Variants in CD300LG observed in about 807,000 individuals in gnomAD.
The protein encoded by CD300LG is CMRF35-like molecule 9.
A neutral mutation model predicts 31.5 loss-of-function variants in CD300LG; 29 were observed. The ratio of observed to expected loss-of-function variants is 0.92; its 90% CI spans 0.68 to 1.25. CD300LG has a LOEUF of 1.25. CD300LG is among the 50% of genes most tolerant of loss of function. The pLI is 0.00. For synonymous variants in CD300LG, 175 were observed against 177.2 expected (o/e 0.99, Z 0.10); for missense variants, 396 against 417.6 (o/e 0.95, Z 0.45).
At chr17:43,854,434 T>C (rs1026025574) in intron 4 of CD300LG, among the ~76,000 whole-genome samples, 1 of 152,080 alleles carries the variant, frequency 6.6e-6, no homozygotes. Context: ...GCCTGAAGGA[T>C]TGGTTCTTGG....
intron 2 of CD300LG, among the ~76,000 whole-genome samples, chr17:43,852,345 G>T (rs867372347): frequency 6.6e-6 from 1 of 152,024 alleles, no homozygotes; most frequent in Non-Finnish European, 1.5e-5. Context: ...CTCCCAAGTA[G>T]CTGGGATTAC....
chr17:43,847,396 G>A, intron 1 of CD300LG, 137 bp downstream of exon 1: 1 of 845,384 alleles, frequency 1.2e-6, no homozygotes, highest in Non-Finnish European at 1.7e-6. Flanking sequence ...GGGCGGGCTG[G>A]GGGTGGGGGG....
Position 43,862,123 on chromosome 17 carries a change from C to T in CD300LG, c.*212C>T, listed in dbSNP as rs1260444768. ...GCCCAGAGCGGTGGCCTTGCTCTTC[C>T]GGCTGGAGACTGGGACATCCCTGAT... On this transcript the variant is annotated 3_prime_UTR_variant, in exon 7 of 7. Coordinates refer to ENST00000317310, the MANE Select transcript of CD300LG (RefSeq NM_145273.4). 8.2e-5 allele frequency: 35 copies of T among 426,564 alleles called. No individual in the cohort carries two copies. The highest frequency in any genetic ancestry group is 3.7e-4 in the East Asian group (9 of 24,500). 26.4% of individuals were successfully genotyped at this position (426,564 alleles called of 1,614,324 possible).
At chr17:43,855,114 T>C (rs1440419737) in intron 4 of CD300LG, 93 bp from the exon 5 acceptor site, 5 of 399,124 alleles carry the variant, frequency 1.3e-5, no homozygotes, top group South Asian at 7.3e-5. Flanking sequence ...ACACTAGGGA[T>C]TGGCTTTCTC....
intron 5 of CD300LG, among the ~76,000 whole-genome samples, chr17:43,856,158 CA>C (rs1027876350): frequency 6.6e-6 from 1 of 152,120 alleles, no homozygotes; most frequent in Non-Finnish European, 1.5e-5. Context: ...ATATCCCAAA[CA>C]TTATCATTTT....
intron 6 of CD300LG, chr17:43,858,156 G>C: frequency 3.2e-6 from 4 of 1,269,330 alleles, no homozygotes; most frequent in Non-Finnish European, 4.0e-6. Context: ...AAAAGACTCA[G>C]GCCTGGTCAC....
At chr17:43,851,133 C>CAAAAAA (rs777282117) in intron 2 of CD300LG, among the ~76,000 whole-genome samples, 42 of 40,178 alleles carry the variant, frequency 1.0e-3, no homozygotes, top group East Asian at 2.9e-3. Context: ...GACTCAGTCT[C>CAAAAAA]AAAAAAAAAA....
At chr17:43,858,495 C>T (rs1354453571) in intron 6 of CD300LG, 1 of 985,280 alleles carries the variant, frequency 1.0e-6, no homozygotes, top group East Asian at 1.1e-4. Context: ...TTTTTCCTGC[C>T]TGAGGCTCCT....
At chr17:43,855,185 G>A (rs755081743) in intron 4 of CD300LG, 22 bp from the exon 5 acceptor site, 67 of 1,549,678 alleles carry the variant, frequency 4.3e-5, no homozygotes, top group Non-Finnish European at 5.3e-5. Flanking sequence ...CAGCCACTAG[G>A]CTCCTTGCGT....
intron 5 of CD300LG, among the ~76,000 whole-genome samples, 188 bp from the exon 6 acceptor site, chr17:43,856,916 T>C (rs1195924512): frequency 6.6e-6 from 1 of 152,174 alleles, no homozygotes; most frequent in African/African-American, 2.4e-5. Flanking sequence ...TGCACTGATC[T>C]CAGAAGACTG....
chr17:43,858,533 GACAGGAAGGGGC>G, intron 6 of CD300LG: 1 of 985,464 alleles, frequency 1.0e-6, no homozygotes, highest in Non-Finnish European at 1.2e-6. Flanking sequence ...AGAGGGAGGG[GACAGGAAGGGGC>G]ACAGGGCCAG....
At chr17:43,853,712 G>C in intron 3 of CD300LG, 95 bp from the exon 4 acceptor site, 2 of 988,728 alleles carry the variant, frequency 2.0e-6, no homozygotes, top group Non-Finnish European at 3.1e-6. Context: ...ACGGGTCCCA[G>C]GGAGGCTAGG....
chr17:43,853,707 T>C, intron 3 of CD300LG, 100 bp from the exon 4 acceptor site: 1 of 934,096 alleles, frequency 1.1e-6, no homozygotes, highest in Non-Finnish European at 1.7e-6. Flanking sequence ...GAGAAACGGG[T>C]CCCAGGGAGG....
At chr17:43,857,248 G>T in intron 6 of CD300LG, 92 bp downstream of exon 6, 1 of 1,509,168 alleles carries the variant, frequency 6.6e-7, no homozygotes. Flanking sequence ...CTTCCTACCT[G>T]GTCCTCCTTG....
At position 43,861,943 on chromosome 17, in the gene CD300LG, G is replaced by A. The variant is rs1179876459; in HGVS notation, c.*32G>A. 1.3e-6 allele frequency: 2 copies of A among 1,484,918 alleles called. No homozygotes were observed. The highest frequency in any genetic ancestry group is 2.1e-4 in the Middle Eastern group (1 of 4,698). The allele number at this position is 1,484,918 out of a possible 1,614,324, so 92.0% of individuals were successfully genotyped here. On this transcript the variant is annotated 3_prime_UTR_variant, in exon 7 of 7. Coordinates refer to ENST00000317310, the MANE Select transcript of CD300LG (RefSeq NM_145273.4). Reference sequence around the variant, plus strand: ...AGGCCCTCCTGGCCAGGCCAGCAGTGAAGCAGTATGGCTGGCTGGATCAGC... The same window carrying A: ...AGGCCCTCCTGGCCAGGCCAGCAGTAAAGCAGTATGGCTGGCTGGATCAGC...
Position 43,855,080 on chromosome 17 carries a change from C to T in CD300LG, c.720-127C>T, listed in dbSNP as rs564263344. ...CCCCGCACCACCACCCCCCACAAGT[C>T]TCTGCTGCATTGAATTGGATTCCAC... is the stretch of plus-strand genomic sequence containing the variant. On this transcript the variant is annotated intron_variant, in intron 4 of 6. Coordinates refer to ENST00000317310, the MANE Select transcript of CD300LG (RefSeq NM_145273.4). 7 of 159,418 alleles carry T rather than the reference C, an allele frequency of 4.4e-5. No homozygotes were observed. The South Asian group carries it at 1.2e-3, about 27-fold the overall frequency. 9.9% of individuals were successfully genotyped at this position (159,418 alleles called of 1,614,324 possible). A position where few individuals can be genotyped will look rare whatever the true frequency, so the allele number is the denominator to read the frequency against.
chr17:43,857,885 A>T, intron 6 of CD300LG: 2 of 1,536,994 alleles, frequency 1.3e-6, no homozygotes, highest in Non-Finnish European at 1.7e-6. Flanking sequence ...TCTGGGGACC[A>T]GGGGCAAGAG....
At chr17:43,858,256 G>A (rs2046581221) in intron 6 of CD300LG, 2 of 1,057,366 alleles carry the variant, frequency 1.9e-6, no homozygotes, top group African/African-American at 1.7e-5. Flanking sequence ...AGGGCCAAAG[G>A]TAGCAGAGGA....
intron 6 of CD300LG, chr17:43,857,828 A>T: frequency 6.5e-7 from 1 of 1,537,246 alleles, no homozygotes; most frequent in Non-Finnish European, 8.7e-7. Context: ...CTTGGCTCTG[A>T]GACCAAGGTG....
Sources: gnomAD v4.1 joint callset for allele counts (sites outside exome capture counted in the v4.1 genomes callset) on GRCh38, gnomAD v4.1.1 for gene constraint, MANE v1.5 for transcripts, NCBI Gene and HGNC (gene_info 2026-07-23, HGNC 2026-07-21) for gene names.